Variants in TTYH3 observed in about 807,000 individuals in gnomAD.
TTYH3 encodes protein tweety homolog 3.
Under a neutral mutation model 68.2 loss-of-function variants are expected in TTYH3, and 23 were observed. That is an observed-to-expected ratio of 0.34 (90% confidence interval 0.24 to 0.48). TTYH3 has a LOEUF of 0.48. TTYH3 is among the 20% of genes least tolerant of loss of function. The pLI is 0.99. For missense variants in TTYH3, 768 were observed against 727.7 expected (o/e 1.06, Z -0.64); for synonymous variants, 360 against 332.8 (o/e 1.08, Z -0.89).
intron 1 of TTYH3, among the ~76,000 whole-genome samples, chr7:2,637,775 C>T (rs781739008): frequency 6.6e-6 from 1 of 152,148 alleles, no homozygotes; most frequent in Non-Finnish European, 1.5e-5. Context: ...CCGCTATGTT[C>T]TGCAGGGAGC....
chr7:2,636,012 C>A lies in TTYH3; in HGVS notation c.123+3734C>A, dbSNP rs139816300. 1.2e-4 allele frequency among the ~76,000 whole-genome samples: 18 copies of A among 152,360 alleles called. No individual in the cohort carries two copies. The East Asian group carries it at 3.5e-3, about 29-fold the overall frequency. On this transcript the variant is annotated intron_variant, in intron 1 of 13. Transcript: ENST00000258796. Reference sequence around the variant, plus strand: ...CACGGGGAATGTGCTGCCTCAGGAACTGGTGAGCCCTCTGTTCCAGGCACT... The same window carrying A: ...CACGGGGAATGTGCTGCCTCAGGAAATGGTGAGCCCTCTGTTCCAGGCACT...
intron 1 of TTYH3, among the ~76,000 whole-genome samples, chr7:2,640,942 G>T (rs894993560): frequency 2.6e-5 from 4 of 152,250 alleles, no homozygotes; most frequent in Non-Finnish European, 5.9e-5. Flanking sequence ...CAGAGCAAAG[G>T]CTGCAGCACC....
intron 1 of TTYH3, among the ~76,000 whole-genome samples, chr7:2,644,945 G>C (rs568878953): frequency 6.6e-6 from 1 of 152,238 alleles, no homozygotes; most frequent in African/African-American, 2.4e-5. Flanking sequence ...CCCAAGGGGG[G>C]GCCAGGCAGG....
At position 2,664,655 on chromosome 7, in the gene TTYH3, T is replaced by C. The variant is rs549455692; in HGVS notation, c.*2916T>C. On this transcript the variant is annotated 3_prime_UTR_variant, in exon 14 of 14. Transcript: ENST00000258796. ...GCTGTATGTACTGTCGCTGTGTTTTTTTGTTTTTTTAGAACTGGGTTTGGG... is the reference window on the plus strand; with the variant it reads ...GCTGTATGTACTGTCGCTGTGTTTTCTTGTTTTTTTAGAACTGGGTTTGGG... 1 of 152,550 alleles carries C rather than the reference T, an allele frequency of 6.6e-6. No individual in the cohort carries two copies. Among genetic ancestry groups the C allele is most frequent in the Admixed American group, 6.5e-5 (1 of 15,288 alleles). The allele number at this position is 152,550 out of a possible 1,614,324, so 9.4% of individuals were successfully genotyped here.
At position 2,656,155 on chromosome 7, in the gene TTYH3, G is replaced by T. The variant is rs140155858; in HGVS notation, c.1084G>T (p.Ala362Ser). Residue 362 changes from alanine to serine, a missense_variant, in exon 10 of 14, where the codon GCC (alanine) becomes TCC (serine). Transcript: ENST00000258796. ...GTEVNLQHLTALVDCRSLHLD... is the reference protein window; with the variant it reads ...GTEVNLQHLTSLVDCRSLHLD... Reference sequence around the variant, plus strand: ...GGAGGTGAACCTGCAGCACCTCACCGCCCTGGTGGACTGCCGCAGCCTGCA... The same window carrying T: ...GGAGGTGAACCTGCAGCACCTCACCTCCCTGGTGGACTGCCGCAGCCTGCA... 1 of 1,570,646 alleles carries T rather than the reference G, an allele frequency of 6.4e-7. No individual in the cohort carries two copies.
In TTYH3 at chr7:2,647,707, C is replaced by T. The variant is rs1339047687; in HGVS notation, c.626+69C>T. On this transcript the variant is annotated intron_variant, in intron 4 of 13. Coordinates refer to ENST00000258796, the MANE Select transcript of TTYH3 (RefSeq NM_025250.3). ...ATCACCCTCCTTGGGCCAATTTTTG[C>T]TCTCAGCACCTAGTACATGAGGCCT... The T allele has an allele frequency of 6.1e-6, 9 of 1,469,922 alleles. 1 individual carries two copies. In the East Asian group the frequency reaches 2.2e-4, roughly 37 times the overall value. 91.1% of individuals were successfully genotyped at this position (1,469,922 alleles called of 1,614,324 possible). A position where few individuals can be genotyped will look rare whatever the true frequency, so the allele number is the denominator to read the frequency against.
chr7:2,647,056 C>T (rs1786008116), intron 2 of TTYH3, 34 bp downstream of exon 2: 6 of 1,530,130 alleles, frequency 3.9e-6, no homozygotes, highest in Admixed American at 2.0e-5. Context: ...GAGGGCGGGG[C>T]CAGAGGGGGC....
rs1335664719 is a variant in TTYH3, at chr7:2,649,556, C to G, written c.723-11C>G. On this transcript the variant is annotated splice_polypyrimidine_tract_variant and intron_variant, in intron 5 of 13. Transcript: ENST00000258796. ...GGCCTGGGGGCTGCTGACTGGCTGT[C>G]TCTGCCCCAGGGTCTGCCTGCTGGG... 1 of 1,575,286 alleles carries G rather than the reference C, an allele frequency of 6.3e-7. No individual in the cohort carries two copies. The highest frequency in any genetic ancestry group is 1.1e-5 in the South Asian group (1 of 87,122).
In TTYH3 at chr7:2,640,767, G is replaced by A. The variant is rs184135555; in HGVS notation, c.124-6086G>A. Among the ~76,000 whole-genome samples the A allele has an allele frequency of 5.4e-4, 74 of 136,642 alleles. 1 individual carries two copies. In the East Asian group the frequency reaches 8.3e-3, roughly 15 times the overall value. The allele number at this position is 136,642 out of a possible 152,430, so 89.6% of individuals were successfully genotyped here. A position where few individuals can be genotyped will look rare whatever the true frequency, so the allele number is the denominator to read the frequency against. On this transcript the variant is annotated intron_variant, in intron 1 of 13. Coordinates refer to ENST00000258796, the MANE Select transcript of TTYH3 (RefSeq NM_025250.3). ...TGGGGCACAGGCCTCACAGCTGCTC[G>A]TGCACGTCGTCTGCTCAAGTGCCCC... is the stretch of plus-strand genomic sequence containing the variant.
intron 7 of TTYH3, among the ~76,000 whole-genome samples, chr7:2,650,893 G>A (rs903405011): frequency 4.6e-5 from 7 of 152,012 alleles, no homozygotes; most frequent in Admixed American, 1.3e-4. Flanking sequence ...CTTTGAGGGC[G>A]GAGCTGGCAG....
chr7:2,636,574 A>T (rs1297334248), intron 1 of TTYH3, among the ~76,000 whole-genome samples: 1 of 152,196 alleles, frequency 6.6e-6, no homozygotes, highest in African/African-American at 2.4e-5. Flanking sequence ...GCTGGGTGGA[A>T]GCTTCAGGAG....
chr7:2,640,291 C>T (rs1785802659), intron 1 of TTYH3, among the ~76,000 whole-genome samples: 2 of 152,226 alleles, frequency 1.3e-5, no homozygotes, highest in African/African-American at 2.4e-5. Flanking sequence ...CCACGCGCCA[C>T]GGTAGCCCAC....
Position 2,663,918 on chromosome 7 carries a change from G to C in TTYH3, c.*2179G>C, listed in dbSNP as rs796454134. 3.3e-5 allele frequency: 5 copies of C among 152,598 alleles called. No individual in the cohort carries two copies. Among genetic ancestry groups the C allele is most frequent in the African/African-American group, 1.2e-4 (5 of 41,596 alleles). The allele number at this position is 152,598 out of a possible 1,614,324, so 9.5% of individuals were successfully genotyped here. On this transcript the variant is annotated 3_prime_UTR_variant, in exon 14 of 14. Coordinates refer to ENST00000258796, the MANE Select transcript of TTYH3 (RefSeq NM_025250.3). ...ACCCCACCTCAGTAGGTGGAGGGGA[G>C]CGCCTGCCATTGGTTGTATTTTTGT...
At chr7:2,658,261 C>G (rs781347423) in intron 11 of TTYH3, 25 bp from the exon 12 acceptor site, 3 of 1,518,644 alleles carry the variant, frequency 2.0e-6, no homozygotes, top group Non-Finnish European at 2.7e-6. Flanking sequence ...GGGCCTGAGC[C>G]CGTGCTGCGT....
At chr7:2,646,275 A>C (rs767445316) in intron 1 of TTYH3, among the ~76,000 whole-genome samples, 1 of 152,152 alleles carries the variant, frequency 6.6e-6, no homozygotes, top group Non-Finnish European at 1.5e-5. Context: ...TCGGCCTCCC[A>C]AAGTGCTGGG....
chr7:2,653,040 A>G, intron 9 of TTYH3, 30 bp downstream of exon 9: 1 of 1,537,156 alleles, frequency 6.5e-7, no homozygotes, highest in Non-Finnish European at 8.8e-7. Flanking sequence ...GCACTGGGGC[A>G]GGCAGGGCTC....
rs757704779 is a variant in TTYH3, at chr7:2,649,974, C to T, written c.857C>T (p.Ser286Leu). 14 of 1,613,946 alleles carry T rather than the reference C, an allele frequency of 8.7e-6. No homozygotes were observed. The highest frequency in any genetic ancestry group is 1.7e-4 in the Middle Eastern group (1 of 6,060). ...GTGACCAAAATGGTGGAGGAGTACT[C>T]GGTGCTGAGTGGGGGTGAGTCTGTG... ...AYVTKMVEEY[S>L]VLSGDILQYY... is the part of the protein sequence containing the mutation. Residue 286 changes from serine to leucine, a missense_variant, in exon 7 of 14, where the codon TCG becomes TTG. Transcript: ENST00000258796.
intron 4 of TTYH3, 78 bp from the exon 5 acceptor site, chr7:2,647,881 C>T (rs947266049): frequency 6.6e-7 from 1 of 1,522,374 alleles, no homozygotes; most frequent in African/African-American, 1.4e-5. Context: ...GGCCTCAGCT[C>T]CCCCTCAAGG....
chr7:2,660,494 G>A (rs892028403), intron 13 of TTYH3: 234 of 985,350 alleles, frequency 2.4e-4, no homozygotes, highest in Admixed American at 4.3e-4. Flanking sequence ...CTGGCCCCAC[G>A]GTGGTGCGGG....
Sources: allele counts gnomAD v4.1 joint callset (sites outside exome capture counted in the v4.1 genomes callset), GRCh38; gene constraint gnomAD v4.1.1; transcripts MANE v1.5; gene names NCBI Gene and HGNC (gene_info 2026-07-23, HGNC 2026-07-21).